The following SETBP1 variants were observed in gnomAD, a reference collection of about 807,000 sequenced individuals.
SETBP1 encodes SET-binding protein.
Under a neutral mutation model 101.0 loss-of-function variants are expected in SETBP1, and 9 were observed. The ratio of observed to expected loss-of-function variants is 0.09; its 90% CI spans 0.05 to 0.16. The LOEUF (loss-of-function observed/expected upper bound fraction) is 0.16, where lower values mean the gene tolerates loss of function less well. Ranked by LOEUF, SETBP1 falls within the 10% of genes least tolerant of loss-of-function variation. The pLI, the probability that SETBP1 is intolerant of heterozygous loss-of-function variation, is 1.00. For missense variants in SETBP1, 1,858 were observed against 2,033.8 expected, an observed-to-expected ratio of 0.91 and a Z score of 1.66; for synonymous variants, 818 against 788.5, an observed-to-expected ratio of 1.04 and a Z score of -0.63.
At chr18:45,024,322 G>A (rs1265761434) in intron 4 of SETBP1, among the ~76,000 whole-genome samples, 2 of 152,176 alleles carry the variant, frequency 1.3e-5, no homozygotes, top group African/African-American at 4.8e-5. Context: ...CTAGCATCCT[G>A]TACTCACCTC....
intron 2 of SETBP1, among the ~76,000 whole-genome samples, chr18:44,789,989 C>T (rs2071337603): frequency 2.0e-5 from 3 of 152,174 alleles, no homozygotes; most frequent in Admixed American, 6.5e-5. Context: ...GGAATGATGT[C>T]ATTTACCCAG....
chr18:44,948,148 T>C (rs2071252321), intron 3 of SETBP1, among the ~76,000 whole-genome samples: 1 of 152,232 alleles, frequency 6.6e-6, no homozygotes, highest in African/African-American at 2.4e-5. Context: ...TTGTTGATGG[T>C]GGTGTTTCTA....
intron 3 of SETBP1, among the ~76,000 whole-genome samples, chr18:44,877,655 C>T (rs1371228548): frequency 6.6e-6 from 1 of 152,178 alleles, no homozygotes; most frequent in African/African-American, 2.4e-5. Flanking sequence ...CATACATACA[C>T]CTCACACTGA....
At position 44,950,928 on chromosome 18, in the gene SETBP1, C is replaced by G. The variant is rs2071332541; in HGVS notation, c.1588C>G (p.Arg530Gly). The G allele has an allele frequency of 1.2e-6, 2 of 1,614,166 alleles. No homozygotes were observed. Among genetic ancestry groups the G allele is most frequent in the Non-Finnish European group, 1.7e-6 (2 of 1,180,044 alleles). The change falls in exon 4 of 6, where the codon CGA (arginine) becomes GGA (glycine). Residue 530 changes from arginine (R) to glycine (G), a missense_variant. Coordinates refer to ENST00000649279, the MANE Select transcript of SETBP1 (RefSeq NM_015559.3). ...EIQHPKFAAK[R>G]RWTCSKPKPS... ...CCAGCATCCAAAATTTGCTGCAAAACGAAGGTGGACTTGCAGCAAACCAAA... is the reference window on the plus strand; with the variant it reads ...CCAGCATCCAAAATTTGCTGCAAAAGGAAGGTGGACTTGCAGCAAACCAAA...
chr18:44,690,626 T>C (rs2068914353), intron 1 of SETBP1, among the ~76,000 whole-genome samples: 1 of 152,238 alleles, frequency 6.6e-6, no homozygotes. Flanking sequence ...GGTGGCTCTA[T>C]GGTTCAAATA....
At chr18:44,837,335 T>C (rs926927097) in intron 2 of SETBP1, among the ~76,000 whole-genome samples, 2 of 152,238 alleles carry the variant, frequency 1.3e-5, no homozygotes, top group Non-Finnish European at 2.9e-5. Flanking sequence ...ACTCAATTAT[T>C]TGCTAGTAAA....
chr18:44,944,096 A>G (rs571342109), intron 3 of SETBP1, among the ~76,000 whole-genome samples: 28 of 152,140 alleles, frequency 1.8e-4, no homozygotes, highest in African/African-American at 6.5e-4. Flanking sequence ...AGCCTCCCAA[A>G]GTGCTGGGAT....
intron 3 of SETBP1, among the ~76,000 whole-genome samples, chr18:44,915,489 A>G (rs1416121302): frequency 6.6e-6 from 1 of 152,216 alleles, no homozygotes; most frequent in African/African-American, 2.4e-5. Context: ...CAGCCTTCAA[A>G]GAGCTCAGAG....
At chr18:44,680,836 G>A (rs1363767707), upstream of SETBP1, 1 of 150,778 alleles carries the variant, frequency 6.6e-6, no homozygotes, top group Non-Finnish European at 1.5e-5. Flanking sequence ...ACTCGGGAGG[G>A]GGAGGGGGTA....
chr18:45,016,255 A>G (rs2072937880), intron 4 of SETBP1, among the ~76,000 whole-genome samples: 1 of 152,176 alleles, frequency 6.6e-6, no homozygotes, highest in Non-Finnish European at 1.5e-5. Context: ...TGCAGCTGCC[A>G]TTAGAAAGCA....
chr18:44,695,221 A>G (rs1015289065), intron 1 of SETBP1, among the ~76,000 whole-genome samples: 3 of 152,146 alleles, frequency 2.0e-5, no homozygotes, highest in African/African-American at 7.2e-5. Flanking sequence ...TACAGGAAAA[A>G]CTTCGAAAGA....
At chr18:44,866,345 C>G in intron 2 of SETBP1, among the ~76,000 whole-genome samples, 1 of 152,238 alleles carries the variant, frequency 6.6e-6, no homozygotes, top group Admixed American at 6.5e-5. Flanking sequence ...CTGCCTCTCA[C>G]ACTTCTGTTC....
At chr18:44,763,714 T>C (rs1163524673) in intron 2 of SETBP1, among the ~76,000 whole-genome samples, 3 of 152,232 alleles carry the variant, frequency 2.0e-5, no homozygotes, top group Non-Finnish European at 2.9e-5. Flanking sequence ...ATAACATTAA[T>C]TACTGACTGA....
At chr18:44,991,280 A>T (rs571984071) in intron 4 of SETBP1, among the ~76,000 whole-genome samples, 1 of 151,428 alleles carries the variant, frequency 6.6e-6, no homozygotes, top group East Asian at 1.9e-4. Flanking sequence ...AGAAACAAGA[A>T]ACGGAAAATT....
chr18:44,752,210 C>T (rs1037823448), intron 2 of SETBP1, among the ~76,000 whole-genome samples: 1 of 152,196 alleles, frequency 6.6e-6, no homozygotes, highest in East Asian at 1.9e-4. Context: ...ATTACCCGCC[C>T]AATCCAGGTG....
At chr18:44,719,827 T>A (rs557751719) in intron 2 of SETBP1, among the ~76,000 whole-genome samples, 18 of 152,300 alleles carry the variant, frequency 1.2e-4, no homozygotes, top group Admixed American at 4.6e-4. Flanking sequence ...TAATTGTTGG[T>A]CCTTGGAGCT....
At chr18:44,860,877 C>T (rs16960305) in intron 2 of SETBP1, among the ~76,000 whole-genome samples, 1,534 of 152,228 alleles carry the variant, frequency 0.01, 25 homozygotes, top group African/African-American at 0.035. Flanking sequence ...TAGTAGGAGA[C>T]GACTATCTTA....
At chr18:44,964,538 T>C (rs2071680236) in intron 4 of SETBP1, among the ~76,000 whole-genome samples, 1 of 152,024 alleles carries the variant, frequency 6.6e-6, no homozygotes, top group South Asian at 2.1e-4. Context: ...AAAAATGGAT[T>C]CCCCATCTAT....
At chr18:44,968,289 C>A (rs1288892373) in intron 4 of SETBP1, among the ~76,000 whole-genome samples, 1 of 151,942 alleles carries the variant, frequency 6.6e-6, no homozygotes, top group Non-Finnish European at 1.5e-5. Flanking sequence ...CAAGAATGAA[C>A]AAGAAAGATA....
Sources: allele counts gnomAD v4.1 joint callset (sites outside exome capture counted in the v4.1 genomes callset), GRCh38; gene constraint gnomAD v4.1.1; transcripts MANE v1.5; gene names NCBI Gene and HGNC (gene_info 2026-07-23, HGNC 2026-07-21).